Variants in LOXHD1 observed in about 807,000 individuals in gnomAD.
The protein encoded by LOXHD1 is lipoxygenase homology domain-containing protein 1.
LOXHD1 carries 205 observed loss-of-function variants against 248.2 expected under a neutral mutation model. The ratio of observed to expected loss-of-function variants is 0.83; its 90% CI spans 0.74 to 0.93. The LOEUF is 0.93. LOXHD1 is among the 40% of genes least tolerant of loss of function. The pLI is 0.00. For missense variants in LOXHD1, 2,930 were observed against 2,971.6 expected, an observed-to-expected ratio of 0.99 and a Z score of 0.33; for synonymous variants, 1,113 against 1,162.8, an observed-to-expected ratio of 0.96 and a Z score of 0.87.
chr18:46,639,780 C>A lies in LOXHD1; in HGVS notation c.347G>T (p.Gly116Val). 1 of 1,551,728 alleles carries A rather than the reference C, an allele frequency of 6.4e-7. No homozygotes were observed. The highest frequency in any genetic ancestry group is 8.7e-7 in the Non-Finnish European group (1 of 1,147,002). Residue 116 changes from glycine (G) to valine (V), a missense_variant, in exon 4 of 41, where the codon GGC becomes GTC. Transcript: ENST00000642948. Reference sequence around the variant, plus strand: ...GTCCAGGTACCAGCTGGCATTCAAGCCCGTGTTGTCATGCTCAATCCTGAG... The same window carrying A: ...GTCCAGGTACCAGCTGGCATTCAAGACCGTGTTGTCATGCTCAATCCTGAG... Reference protein sequence around the residue: ...YKVRIEHDNTGLNASWYLDHV... With the variant: ...YKVRIEHDNTVLNASWYLDHV...
intron 2 of LOXHD1, among the ~76,000 whole-genome samples, chr18:46,647,210 G>A (rs933638968): frequency 6.6e-6 from 1 of 152,182 alleles, no homozygotes; most frequent in Admixed American, 6.5e-5. Flanking sequence ...AAGCCAGGAG[G>A]TCCCAGCCCT....
At chr18:46,490,319 A>G (rs933997166) in intron 37 of LOXHD1, among the ~76,000 whole-genome samples, 3 of 152,244 alleles carry the variant, frequency 2.0e-5, no homozygotes, top group Non-Finnish European at 2.9e-5. Flanking sequence ...AAGGCTCAGC[A>G]GGGAATACAC....
chr18:46,544,543 G>A (rs1298861058), intron 23 of LOXHD1, among the ~76,000 whole-genome samples: 1 of 152,108 alleles, frequency 6.6e-6, no homozygotes, highest in Non-Finnish European at 1.5e-5. Flanking sequence ...AATGTTTATT[G>A]AGTGCCACTT....
chr18:46,657,099 C>T lies in LOXHD1; in HGVS notation c.-66G>A, dbSNP rs1481897519. 1.1e-4 allele frequency: 167 copies of T among 1,549,878 alleles called. No homozygotes were observed. The highest frequency in any genetic ancestry group is 1.4e-4 in the Non-Finnish European group (166 of 1,146,332). The stretch of plus-strand genomic sequence containing the variant: ...GCCGCCTCCTCACACCTGCGGGAAC[C>T]TGAGACCTCCTCCCTGAGCTCTGGC... On this transcript the variant is annotated 5_prime_UTR_variant, in exon 1 of 41. Coordinates refer to ENST00000642948, the MANE Select transcript of LOXHD1 (RefSeq NM_001384474.1).
chr18:46,576,954 C>T (rs1234295286), intron 14 of LOXHD1, among the ~76,000 whole-genome samples: 2 of 152,180 alleles, frequency 1.3e-5, no homozygotes, highest in African/African-American at 4.8e-5. Flanking sequence ...GAGGGCTGTC[C>T]TCAGTGTAGC....
chr18:46,484,991 C>G (rs2032920890), intron 39 of LOXHD1, 28 bp downstream of exon 39: 2 of 1,543,944 alleles, frequency 1.3e-6, no homozygotes, highest in Non-Finnish European at 1.8e-6. Flanking sequence ...CCACCCCCCA[C>G]CACTTCCCAT....
intron 34 of LOXHD1, among the ~76,000 whole-genome samples, chr18:46,517,563 C>T (rs2035323292): frequency 1.3e-5 from 2 of 152,062 alleles, no homozygotes; most frequent in South Asian, 4.2e-4. Flanking sequence ...CTGTTATTGC[C>T]CTCCTTAGGT....
chr18:46,490,660 G>A (rs1424777172), intron 37 of LOXHD1, among the ~76,000 whole-genome samples: 2 of 152,076 alleles, frequency 1.3e-5, no homozygotes, highest in African/African-American at 2.4e-5. Context: ...TTTTTATTAG[G>A]GACAGGGTTT....
chr18:46,570,553 G>C (rs1012995121), intron 15 of LOXHD1, among the ~76,000 whole-genome samples: 38 of 152,168 alleles, frequency 2.5e-4, no homozygotes, highest in Admixed American at 2.6e-4. Context: ...GCCACCCAAG[G>C]GCACTTGAGG....
chr18:46,574,615 TAAA>T lies in LOXHD1; in HGVS notation c.1971-2456_1971-2454del, dbSNP rs534992278. On this transcript the variant is annotated intron_variant, in intron 14 of 40. Coordinates refer to ENST00000642948, the MANE Select transcript of LOXHD1 (RefSeq NM_001384474.1). ...CAGCAAGACATAAGAACCCATTTTC[TAAA>T]AAAAAAAAAAAAAAAATGCATGCAC... 2.8e-4 allele frequency among the ~76,000 whole-genome samples: 35 copies of T among 122,972 alleles called. 3 individuals are homozygous for T. The East Asian group carries it at 7.3e-3, about 25-fold the overall frequency. The allele number at this position is 122,972 out of a possible 152,430, so 80.7% of individuals were successfully genotyped here. A position where few individuals can be genotyped will look rare whatever the true frequency, so the allele number is the denominator to read the frequency against.
chr18:46,495,047 T>G lies in LOXHD1; in HGVS notation c.5879-5905A>C, dbSNP rs375133815. Reference sequence around the variant, plus strand: ...TTTGTTTTGTTTTGTTTTGTATTTTTAGTAGAGACGGGGTTTCACCGTGGT... The same window carrying G: ...TTTGTTTTGTTTTGTTTTGTATTTTGAGTAGAGACGGGGTTTCACCGTGGT... On this transcript the variant is annotated intron_variant, in intron 37 of 40. Coordinates refer to ENST00000642948, the MANE Select transcript of LOXHD1 (RefSeq NM_001384474.1). Among the ~76,000 whole-genome samples the G allele has an allele frequency of 5.3e-5, 8 of 152,064 alleles. No individual in the cohort carries two copies. The East Asian group carries it at 1.4e-3, about 26-fold the overall frequency.
At chr18:46,647,764 A>AC (rs760856791) in intron 2 of LOXHD1, among the ~76,000 whole-genome samples, 3 of 152,298 alleles carry the variant, frequency 2.0e-5, no homozygotes, top group Admixed American at 1.3e-4. Flanking sequence ...GCCAGCCCCC[A>AC]AGGTACAGGG....
In LOXHD1 at chr18:46,529,267, C is replaced by T. The variant is rs76946640; in HGVS notation, c.4440G>A (p.Val1480=). ...NIPGAGTDAK[V]YITIYGDLGD... is the part of the protein sequence containing the mutation. ...CGAGGTCTCCATAGATGGTGATGTA[C>T]ACCTTGGCATCCGTCCCTGCCCCAG... The change falls in exon 29 of 41, where the codon GTG becomes GTA. Residue 1480 remains valine (V), a synonymous_variant. Transcript: ENST00000642948. The T allele has an allele frequency of 1.9e-4, 294 of 1,551,796 alleles. 1 individual carries two copies. In the African/African-American group the frequency reaches 3.5e-3, roughly 18 times the overall value.
chr18:46,579,259 C>T (rs1448437711), intron 13 of LOXHD1, among the ~76,000 whole-genome samples: 1 of 152,202 alleles, frequency 6.6e-6, no homozygotes, highest in African/African-American at 2.4e-5. Flanking sequence ...AAAGATGCTG[C>T]TGCTGCTTCC....
At chr18:46,554,280 C>T (rs1035158821) in intron 21 of LOXHD1, among the ~76,000 whole-genome samples, 2 of 152,130 alleles carry the variant, frequency 1.3e-5, no homozygotes, top group East Asian at 3.9e-4. Flanking sequence ...GAGAGGCATC[C>T]AAGAGGTCTA....
chr18:46,594,323 TCA>T lies in LOXHD1; in HGVS notation c.1270+6_1270+7del, dbSNP rs1804933112. The T allele has an allele frequency of 3.2e-6, 5 of 1,551,442 alleles. No homozygotes were observed. The East Asian group carries it at 1.2e-4, about 38-fold the overall frequency. ...GAGGCCTCCAGGTTCTGGGTCTCTC[TCA>T]CTTACTTTTCAGCCGCTTCTTCCTG... On this transcript the variant is annotated splice_donor_region_variant and intron_variant, in intron 9 of 40. Transcript: ENST00000642948.
intron 4 of LOXHD1, among the ~76,000 whole-genome samples, chr18:46,633,683 C>T (rs1350229562): frequency 6.6e-6 from 1 of 152,122 alleles, no homozygotes; most frequent in Non-Finnish European, 1.5e-5. Flanking sequence ...AAAAAGACAA[C>T]TCATCGAATG....
intron 2 of LOXHD1, among the ~76,000 whole-genome samples, chr18:46,647,782 A>T (rs947405922): frequency 6.6e-6 from 1 of 152,152 alleles, no homozygotes; most frequent in Non-Finnish European, 1.5e-5. Context: ...GGGTGCAGGG[A>T]TCTCCTGGCT....
At chr18:46,542,065 T>C in intron 24 of LOXHD1, 125 bp from the exon 25 acceptor site, 1 of 876,222 alleles carries the variant, frequency 1.1e-6, no homozygotes. Flanking sequence ...ATGACATCCC[T>C]TTTGCTTGCA....
Sources: allele counts gnomAD v4.1 joint callset (sites outside exome capture counted in the v4.1 genomes callset), GRCh38; gene constraint gnomAD v4.1.1; transcripts MANE v1.5; gene names NCBI Gene and HGNC (gene_info 2026-07-23, HGNC 2026-07-21).